The following ADGRL3 variants were observed in gnomAD, a reference collection of about 807,000 sequenced individuals.
ADGRL3 encodes the protein calcium-independent alpha-latrotoxin receptor 3.
In ADGRL3, 62 loss-of-function variants were observed where a neutral mutation model predicts 153.5. The observed-to-expected ratio is 0.40, with a 90% confidence interval of 0.33 to 0.50. The LOEUF is 0.50. Ranked by LOEUF, ADGRL3 falls within the 20% of genes least tolerant of loss-of-function variation. The pLI, the probability that ADGRL3 is intolerant of heterozygous loss-of-function variation, is 0.47. For synonymous variants in ADGRL3, 710 were observed against 672.5 expected, an observed-to-expected ratio of 1.06 and a Z score of -0.86; for missense variants, 1,641 against 1,859.4, an observed-to-expected ratio of 0.88 and a Z score of 2.16.
chr4:61,680,764 C>G (rs763992141), intron 6 of ADGRL3, among the ~76,000 whole-genome samples: 3 of 152,012 alleles, frequency 2.0e-5, no homozygotes, highest in African/African-American at 4.8e-5. Context: ...AGTTTTTAAA[C>G]TGTTTACTCA....
At chr4:61,903,935 T>A (rs1581390389) in intron 11 of ADGRL3, among the ~76,000 whole-genome samples, 1 of 151,796 alleles carries the variant, frequency 6.6e-6, no homozygotes, top group South Asian at 2.1e-4. Flanking sequence ...AGAAATTTTT[T>A]TTTTCTTTAA....
intron 5 of ADGRL3, among the ~76,000 whole-genome samples, chr4:61,667,727 A>T (rs1160049225): frequency 6.6e-6 from 1 of 152,230 alleles, no homozygotes; most frequent in African/African-American, 2.4e-5. Context: ...GTATGCTGAG[A>T]ATTTCATTGT....
intron 8 of ADGRL3, among the ~76,000 whole-genome samples, chr4:61,741,213 G>A (rs926396263): frequency 6.6e-6 from 1 of 152,118 alleles, no homozygotes; most frequent in Non-Finnish European, 1.5e-5. Context: ...TAAATATGGT[G>A]CACCCTCGTC....
chr4:61,887,216 A>G (rs2098544477), intron 9 of ADGRL3, among the ~76,000 whole-genome samples: 1 of 151,912 alleles, frequency 6.6e-6, no homozygotes, highest in Non-Finnish European at 1.5e-5. Context: ...AATTTTTTTT[A>G]GAAGATGCCC....
intron 6 of ADGRL3, among the ~76,000 whole-genome samples, chr4:61,684,980 A>G (rs368769417): frequency 1.6e-3 from 248 of 151,628 alleles, no homozygotes; most frequent in African/African-American, 5.7e-3. Flanking sequence ...TGGCACAATC[A>G]CAGCTCCCTG....
chr4:61,573,662 T>C (rs1048226788), intron 4 of ADGRL3, among the ~76,000 whole-genome samples: 18 of 152,016 alleles, frequency 1.2e-4, no homozygotes. Context: ...GAATATCTTC[T>C]TTTGTGTGTC....
At chr4:61,526,483 G>C (rs1291053639) in intron 4 of ADGRL3, among the ~76,000 whole-genome samples, 2 of 151,984 alleles carry the variant, frequency 1.3e-5, no homozygotes, top group South Asian at 2.1e-4. Context: ...CAAATTGGAA[G>C]ACTAATACAC....
At chr4:61,617,521 C>T (rs1022041794) in intron 5 of ADGRL3, among the ~76,000 whole-genome samples, 1 of 152,142 alleles carries the variant, frequency 6.6e-6, no homozygotes, top group Admixed American at 6.6e-5. Flanking sequence ...CTGGTTCTTG[C>T]ACCTCTTAGA....
chr4:61,531,017 C>G (rs2098609750), intron 4 of ADGRL3, among the ~76,000 whole-genome samples: 1 of 152,044 alleles, frequency 6.6e-6, no homozygotes, highest in East Asian at 1.9e-4. Flanking sequence ...ATAGTATTAA[C>G]TCAATAAATA....
At chr4:61,249,410 G>T (rs892076981) in intron 1 of ADGRL3, among the ~76,000 whole-genome samples, 2 of 152,002 alleles carry the variant, frequency 1.3e-5, no homozygotes, top group Non-Finnish European at 2.9e-5. Flanking sequence ...GATCTGGAGA[G>T]ACCAAAGCTC....
At chr4:61,491,135 T>C (rs1479759287) in intron 2 of ADGRL3, among the ~76,000 whole-genome samples, 4 of 152,144 alleles carry the variant, frequency 2.6e-5, no homozygotes, top group African/African-American at 9.7e-5. Flanking sequence ...AATTGTATCA[T>C]AGAGCTCTCA....
chr4:61,518,103 T>C (rs887366078), intron 4 of ADGRL3, among the ~76,000 whole-genome samples: 2 of 152,156 alleles, frequency 1.3e-5, no homozygotes, highest in African/African-American at 2.4e-5. Context: ...CCCCAAAAGC[T>C]CCAGTGAGGA....
At chr4:61,766,485 C>T (rs1284765166) in intron 8 of ADGRL3, among the ~76,000 whole-genome samples, 2 of 152,092 alleles carry the variant, frequency 1.3e-5, no homozygotes, top group African/African-American at 4.8e-5. Flanking sequence ...TCTGACCTCG[C>T]TAACCATGCC....
chr4:61,371,656 C>G (rs1369531190), intron 1 of ADGRL3, among the ~76,000 whole-genome samples: 1 of 152,036 alleles, frequency 6.6e-6, no homozygotes, highest in African/African-American at 2.4e-5. Context: ...CTCTGGCTAC[C>G]CTTAACATTT....
intron 2 of ADGRL3, among the ~76,000 whole-genome samples, chr4:61,482,462 A>C (rs1010381569): frequency 6.6e-6 from 1 of 152,160 alleles, no homozygotes; most frequent in South Asian, 2.1e-4. Flanking sequence ...ATGACACTAT[A>C]TATCTTTCTG....
chr4:61,636,804 A>T (rs1431744088), intron 5 of ADGRL3, among the ~76,000 whole-genome samples: 4 of 150,978 alleles, frequency 2.6e-5, no homozygotes, highest in Non-Finnish European at 5.9e-5. Flanking sequence ...TATATACATA[A>T]ATATTTTTAT....
At chr4:61,323,842 G>A (rs1414444160) in intron 1 of ADGRL3, among the ~76,000 whole-genome samples, 1 of 152,086 alleles carries the variant, frequency 6.6e-6, no homozygotes, top group Non-Finnish European at 1.5e-5. Flanking sequence ...CATATTTTCA[G>A]GTATCTTTTC....
rs189743038 is a variant in ADGRL3 at position 61,687,120 on chromosome 4, T to G, written c.583+10185T>G. Reference sequence around the variant, plus strand: ...CATAATTCCTGTTAATACCATAAAATTTTTAATTGCCCAATTTTTTTTTTC... The same window carrying G: ...CATAATTCCTGTTAATACCATAAAAGTTTTAATTGCCCAATTTTTTTTTTC... On this transcript the variant is annotated intron_variant, in intron 6 of 26. Coordinates refer to ENST00000683033, the MANE Select transcript of ADGRL3 (RefSeq NM_001387552.1). Among the ~76,000 whole-genome samples, 906 of 152,154 alleles carry G rather than the reference T, an allele frequency of 6.0e-3. 8 individuals carry two copies. Among genetic ancestry groups the G allele is most frequent in the African/African-American group, 0.021 (867 of 41,568 alleles).
At chr4:61,875,959 G>A (rs2098472479) in intron 9 of ADGRL3, among the ~76,000 whole-genome samples, 1 of 152,048 alleles carries the variant, frequency 6.6e-6, no homozygotes, top group Non-Finnish European at 1.5e-5. Context: ...GCCAAGGTGG[G>A]AGGATCTTTT....
Sources: allele counts gnomAD v4.1 joint callset (sites outside exome capture counted in the v4.1 genomes callset), GRCh38; gene constraint gnomAD v4.1.1; transcripts MANE v1.5; gene names NCBI Gene and HGNC (gene_info 2026-07-23, HGNC 2026-07-21).